Variants in LUZP2 observed in about 807,000 individuals in gnomAD.
LUZP2 encodes leucine zipper protein 2.
LUZP2 carries 52 observed loss-of-function variants against 51.6 expected under a neutral mutation model. The ratio of observed to expected loss-of-function variants is 1.01; its 90% CI spans 0.81 to 1.27. The LOEUF is 1.27. Among genes scored for constraint, LUZP2 ranks in the 50% most tolerant of loss-of-function variants. LUZP2 has a pLI of 0.00. For missense variants in LUZP2, 436 were observed against 395.4 expected (o/e 1.10, Z -0.87); for synonymous variants, 154 against 137.3 (o/e 1.12, Z -0.85).
intron 7 of LUZP2, among the ~76,000 whole-genome samples, chr11:24,937,347 C>G (rs888634009): frequency 2.0e-5 from 3 of 152,056 alleles, no homozygotes; most frequent in African/African-American, 4.8e-5. Flanking sequence ...GGAAACTAAG[C>G]TTAAGTAAAG....
chr11:24,584,152 A>G (rs984646696), intron 1 of LUZP2, among the ~76,000 whole-genome samples: 2 of 152,194 alleles, frequency 1.3e-5, no homozygotes, highest in Non-Finnish European at 2.9e-5. Flanking sequence ...AAGTCCTGCC[A>G]TCATTGCAGT....
In LUZP2 at chr11:24,971,853, G is replaced by A. The variant is rs147422971; in HGVS notation, c.523-4738G>A. 2.6e-3 allele frequency among the ~76,000 whole-genome samples: 401 copies of A among 151,958 alleles called. 2 individuals carry two copies. The highest frequency in any genetic ancestry group is 9.1e-3 in the African/African-American group (378 of 41,488). ...AAAAAGGTAAATCATTAAAACCCTG[G>A]GCATGGCCAGGTGCAGTGGCTCATG... On this transcript the variant is annotated intron_variant, in intron 7 of 11. Transcript: ENST00000336930.
intron 7 of LUZP2, among the ~76,000 whole-genome samples, chr11:24,947,281 T>G: frequency 6.6e-6 from 1 of 151,984 alleles, no homozygotes; most frequent in East Asian, 1.9e-4. Context: ...CACAAAGGTC[T>G]TTCTCCTTGT....
chr11:24,543,348 A>T (rs10834377), intron 1 of LUZP2, among the ~76,000 whole-genome samples: 64,951 of 151,864 alleles, frequency 0.43, 14,521 homozygotes, highest in African/African-American at 0.54. Flanking sequence ...TGCCATTTTT[A>T]AAACTGAATG....
intron 1 of LUZP2, among the ~76,000 whole-genome samples, chr11:24,700,545 C>T (rs533254324): frequency 2.0e-4 from 31 of 151,818 alleles, no homozygotes; most frequent in African/African-American, 6.0e-4. Flanking sequence ...GTTCTGCTGC[C>T]ATAAGAATAT....
chr11:24,960,618 C>T (rs1855364102), intron 7 of LUZP2, among the ~76,000 whole-genome samples: 1 of 151,922 alleles, frequency 6.6e-6, no homozygotes, highest in African/African-American at 2.4e-5. Context: ...TTTATTGTGT[C>T]TATTTGATTC....
chr11:24,767,786 C>A (rs1860247865), intron 5 of LUZP2, among the ~76,000 whole-genome samples: 1 of 151,984 alleles, frequency 6.6e-6, no homozygotes, highest in Non-Finnish European at 1.5e-5. Context: ...TGTTTGGTTG[C>A]AAAAAGTATA....
chr11:24,826,028 C>T (rs1164010470), intron 5 of LUZP2, among the ~76,000 whole-genome samples: 3 of 151,054 alleles, frequency 2.0e-5, no homozygotes, highest in Admixed American at 6.6e-5. Flanking sequence ...AAAAAATTAG[C>T]TGGGCGCGGT....
At chr11:24,618,320 C>T (rs571523099) in intron 1 of LUZP2, among the ~76,000 whole-genome samples, 33 of 152,300 alleles carry the variant, frequency 2.2e-4, no homozygotes, top group African/African-American at 7.9e-4. Context: ...TTATCAGCTC[C>T]CATAGGGGTG....
intron 1 of LUZP2, among the ~76,000 whole-genome samples, chr11:24,648,970 G>A (rs1397428760): frequency 6.6e-6 from 1 of 151,962 alleles, no homozygotes; most frequent in African/African-American, 2.4e-5. Flanking sequence ...TCCCTATTGG[G>A]ATTTCCTTTT....
rs148141385 is a variant in LUZP2 at position 24,687,310 on chromosome 11, C to T, written c.63-41859C>T. ...TATACTTTTCGGGAATTTTATCAGT[C>T]TTTGAATTTCAAAAGTAGGGAAATC... On this transcript the variant is annotated intron_variant, in intron 1 of 11. Coordinates refer to ENST00000336930, the MANE Select transcript of LUZP2 (RefSeq NM_001009909.4). 8.0e-4 allele frequency among the ~76,000 whole-genome samples: 121 copies of T among 152,198 alleles called. 2 individuals carry two copies. The East Asian group carries it at 0.021, about 27-fold the overall frequency.
At chr11:24,504,798 C>A (rs1850101053) in intron 1 of LUZP2, among the ~76,000 whole-genome samples, 1 of 151,950 alleles carries the variant, frequency 6.6e-6, no homozygotes, top group South Asian at 2.1e-4. Context: ...AATTTATTTT[C>A]TAATAAGATT....
At chr11:24,577,981 G>T in intron 1 of LUZP2, among the ~76,000 whole-genome samples, 1 of 152,214 alleles carries the variant, frequency 6.6e-6, no homozygotes, top group East Asian at 1.9e-4. Flanking sequence ...TGCCATCAGC[G>T]TTCTGTACTT....
intron 9 of LUZP2, among the ~76,000 whole-genome samples, chr11:24,991,929 T>G (rs1011057274): frequency 6.6e-6 from 1 of 152,102 alleles, no homozygotes; most frequent in Non-Finnish European, 1.5e-5. Context: ...GTTTTTTCCT[T>G]CCTAATTTGT....
intron 1 of LUZP2, among the ~76,000 whole-genome samples, chr11:24,662,991 A>C (rs1474640178): frequency 1.3e-5 from 2 of 152,114 alleles, no homozygotes; most frequent in African/African-American, 2.4e-5. Flanking sequence ...GGGAAAAATC[A>C]TCTAAACTAA....
In LUZP2 at chr11:24,589,856, C is replaced by A. The variant is rs574802876; in HGVS notation, c.62+92551C>A. ...CCTTTTCAGCTCATCTGATCCCAAA[C>A]GGAACATTTTCAGTTCTAACACTGA... On this transcript the variant is annotated intron_variant, in intron 1 of 11. Coordinates refer to ENST00000336930, the MANE Select transcript of LUZP2 (RefSeq NM_001009909.4). Among the ~76,000 whole-genome samples the A allele has an allele frequency of 2.6e-5, 4 of 152,032 alleles. No individual in the cohort carries two copies. In the South Asian group the frequency reaches 8.3e-4, roughly 32 times the overall value.
chr11:24,498,434 C>T (rs185745390), intron 1 of LUZP2, among the ~76,000 whole-genome samples: 1 of 152,284 alleles, frequency 6.6e-6, no homozygotes, highest in East Asian at 1.9e-4. Flanking sequence ...TCTTTCAGGC[C>T]TGTGTAACCA....
At chr11:25,001,345 A>G (rs1232069676) in intron 9 of LUZP2, among the ~76,000 whole-genome samples, 3 of 152,190 alleles carry the variant, frequency 2.0e-5, no homozygotes, top group Non-Finnish European at 2.9e-5. Flanking sequence ...CTTATCATTT[A>G]CTGAATACCT....
At chr11:24,701,079 A>T (rs1857407193) in intron 1 of LUZP2, among the ~76,000 whole-genome samples, 1 of 152,334 alleles carries the variant, frequency 6.6e-6, no homozygotes, top group South Asian at 2.1e-4. Flanking sequence ...TTGTGTTGCT[A>T]TACAGAAATA....
Sources: allele counts gnomAD v4.1 joint callset (sites outside exome capture counted in the v4.1 genomes callset), GRCh38; gene constraint gnomAD v4.1.1; transcripts MANE v1.5; gene names NCBI Gene and HGNC (gene_info 2026-07-23, HGNC 2026-07-21).